The following KIAA1217 variants were observed in gnomAD, a reference collection of about 807,000 sequenced individuals.
KIAA1217 encodes KIAA1217.
In KIAA1217, 88 loss-of-function variants were observed where a neutral mutation model predicts 163.9. The observed-to-expected ratio is 0.54, with a 90% confidence interval of 0.45 to 0.64. The LOEUF (loss-of-function observed/expected upper bound fraction) is 0.64, where lower values mean the gene tolerates loss of function less well. Among genes scored for constraint, KIAA1217 ranks in the 30% least tolerant of loss-of-function variants. The pLI is 0.00. For synonymous variants in KIAA1217, 903 were observed against 923.1 expected (o/e 0.98, Z 0.39); for missense variants, 2,372 against 2,475.0 (o/e 0.96, Z 0.88).
chr10:24,173,100 T>C (rs951379399), intron 2 of KIAA1217, among the ~76,000 whole-genome samples: 2 of 152,162 alleles, frequency 1.3e-5, no homozygotes, highest in African/African-American at 4.8e-5. Context: ...CCGCTCCCTA[T>C]CACTCGCATT....
intron 2 of KIAA1217, among the ~76,000 whole-genome samples, chr10:24,137,867 G>GGTGGACAT (rs1432433499): frequency 6.6e-6 from 1 of 152,164 alleles, no homozygotes; most frequent in Non-Finnish European, 1.5e-5. Flanking sequence ...CAAGGGTTTA[G>GGTGGACAT]GTGGACATGT....
At chr10:24,228,092 T>C (rs1189668531) in intron 2 of KIAA1217, among the ~76,000 whole-genome samples, 3 of 151,810 alleles carry the variant, frequency 2.0e-5, no homozygotes, top group Non-Finnish European at 4.4e-5. Flanking sequence ...CTGGGCAACA[T>C]GGGAAAGCCC....
chr10:24,527,832 T>C, intron 13 of KIAA1217, 104 bp from the exon 14 acceptor site: 1 of 825,982 alleles, frequency 1.2e-6, no homozygotes, highest in South Asian at 1.7e-5. Context: ...TTATTTTTCC[T>C]GATCCTCTCC....
chr10:24,075,119 TACACACACACACACACAC>T (rs71397929), intron 2 of KIAA1217, among the ~76,000 whole-genome samples: 2,851 of 131,560 alleles, frequency 0.022, 101 homozygotes, highest in African/African-American at 0.073. Context: ...TCCCCCTAAA[TACACACACACACACACAC>T]ACACACACAC....
intron 3 of KIAA1217, among the ~76,000 whole-genome samples, chr10:24,416,053 C>A (rs763358506): frequency 6.6e-6 from 1 of 152,156 alleles, no homozygotes; most frequent in Non-Finnish European, 1.5e-5. Flanking sequence ...CTGAGAGTGT[C>A]CCCAGGGCAG....
At chr10:23,718,469 CTT>C (rs1213640464) in intron 1 of KIAA1217, among the ~76,000 whole-genome samples, 1 of 151,964 alleles carries the variant, frequency 6.6e-6, no homozygotes, top group Non-Finnish European at 1.5e-5. Flanking sequence ...ATGTTTAAAT[CTT>C]TTTGTTTGCT....
chr10:24,540,896 G>A (rs1281187661), intron 17 of KIAA1217, among the ~76,000 whole-genome samples: 13 of 151,962 alleles, frequency 8.6e-5, no homozygotes, highest in African/African-American at 1.5e-4. Context: ...AGCCTCCCAC[G>A]TAGCTGATAT....
At chr10:24,094,093 T>C (rs1171313858) in intron 2 of KIAA1217, among the ~76,000 whole-genome samples, 2 of 152,042 alleles carry the variant, frequency 1.3e-5, no homozygotes, top group Admixed American at 1.3e-4. Flanking sequence ...CTATTGTGAA[T>C]AGTGCCGCAA....
intron 17 of KIAA1217, among the ~76,000 whole-genome samples, chr10:24,540,842 C>T (rs562495422): frequency 6.4e-4 from 97 of 152,290 alleles, no homozygotes; most frequent in African/African-American, 2.1e-3. Context: ...GATCTCAGCT[C>T]ATTGCAACTT....
intron 2 of KIAA1217, among the ~76,000 whole-genome samples, chr10:24,313,446 C>T (rs749873283): frequency 2.6e-5 from 4 of 152,118 alleles, no homozygotes; most frequent in Admixed American, 2.6e-4. Context: ...TAGCAGAGCA[C>T]GGGACCCATC....
chr10:24,466,496 A>C, intron 5 of KIAA1217: 1 of 984,902 alleles, frequency 1.0e-6, no homozygotes, highest in Non-Finnish European at 1.2e-6. Flanking sequence ...GGGGAGGAGA[A>C]ATTGACTTAT....
At chr10:24,436,757 CAAAAAAAA>C (rs10560676) in intron 4 of KIAA1217, among the ~76,000 whole-genome samples, 1 of 70,876 alleles carries the variant, frequency 1.4e-5, no homozygotes, top group African/African-American at 5.7e-5. Context: ...GACTCCGTCT[CAAAAAAAA>C]AAAAAAAAAA....
At chr10:24,237,915 C>G (rs1348639539) in intron 2 of KIAA1217, among the ~76,000 whole-genome samples, 1 of 152,210 alleles carries the variant, frequency 6.6e-6, no homozygotes. Context: ...TACGGCAATG[C>G]AACGCTTACA....
chr10:24,143,292 T>G (rs1378994813), intron 2 of KIAA1217, among the ~76,000 whole-genome samples: 1 of 152,020 alleles, frequency 6.6e-6, no homozygotes, highest in Non-Finnish European at 1.5e-5. Flanking sequence ...TGAGATGGAG[T>G]CTCGCTCCGT....
At chr10:24,152,757 A>T (rs558014767) in intron 2 of KIAA1217, among the ~76,000 whole-genome samples, 1 of 152,130 alleles carries the variant, frequency 6.6e-6, no homozygotes, top group African/African-American at 2.4e-5. Context: ...GTAAAGAAAG[A>T]TTGTGCTGAT....
intron 2 of KIAA1217, among the ~76,000 whole-genome samples, chr10:24,241,665 C>T (rs1295683685): frequency 1.3e-5 from 2 of 152,150 alleles, no homozygotes; most frequent in East Asian, 1.9e-4. Flanking sequence ...GTATTCTAGA[C>T]GTTGGCACTT....
At chr10:24,121,938 G>A (rs1442050935) in intron 2 of KIAA1217, among the ~76,000 whole-genome samples, 1 of 152,074 alleles carries the variant, frequency 6.6e-6, no homozygotes, top group African/African-American at 2.4e-5. Context: ...GTTAGATACA[G>A]ACATACATAT....
intron 1 of KIAA1217, among the ~76,000 whole-genome samples, chr10:23,747,959 C>A (rs1171930343): frequency 6.6e-6 from 1 of 152,202 alleles, no homozygotes; most frequent in Non-Finnish European, 1.5e-5. Flanking sequence ...TGCGCTACAC[C>A]TGGATTCCCT....
chr10:24,474,102 A>G, intron 6 of KIAA1217, 42 bp downstream of exon 6: 1 of 1,461,514 alleles, frequency 6.8e-7, no homozygotes, highest in Non-Finnish European at 9.3e-7. Flanking sequence ...ACCTGGGCCC[A>G]TGTGTCACTG....
Sources: allele counts gnomAD v4.1 joint callset (sites outside exome capture counted in the v4.1 genomes callset), GRCh38; gene constraint gnomAD v4.1.1; transcripts MANE v1.5; gene names NCBI Gene and HGNC (gene_info 2026-07-23, HGNC 2026-07-21).